Variants in ZBTB20 observed in about 807,000 individuals in gnomAD.
ZBTB20 encodes the protein zinc finger and BTB domain-containing protein 20.
In ZBTB20, 9 loss-of-function variants were observed where a neutral mutation model predicts 56.9. The observed-to-expected ratio is 0.16, with a 90% CI of 0.10 to 0.28. The LOEUF is 0.28. Among genes scored for constraint, ZBTB20 ranks in the 10% least tolerant of loss-of-function variants. The pLI, the probability that ZBTB20 is intolerant of heterozygous loss-of-function variation, is 1.00. For missense variants in ZBTB20, 655 were observed against 1,003.0 expected (o/e 0.65, Z 4.69); for synonymous variants, 417 against 420.7 (o/e 0.99, Z 0.11).
intron 5 of ZBTB20, among the ~76,000 whole-genome samples, chr3:114,721,982 A>T (rs1450001627): frequency 6.6e-6 from 1 of 152,184 alleles, no homozygotes; most frequent in Non-Finnish European, 1.5e-5. Flanking sequence ...CCAAACCGGA[A>T]AGCTCTTTGA....
chr3:114,953,673 C>A (rs998499723), intron 3 of ZBTB20, among the ~76,000 whole-genome samples: 3 of 151,976 alleles, frequency 2.0e-5, no homozygotes, highest in Non-Finnish European at 4.4e-5. Flanking sequence ...AAGTCTAAAT[C>A]TGTATGCCCT....
chr3:114,576,011 AAT>A (rs1456189083), intron 6 of ZBTB20, among the ~76,000 whole-genome samples: 1 of 152,222 alleles, frequency 6.6e-6, no homozygotes, highest in East Asian at 1.9e-4. Context: ...CATCAGCAGC[AAT>A]GAGAGCTCAG....
intron 6 of ZBTB20, among the ~76,000 whole-genome samples, chr3:114,626,271 T>A (rs941979749): frequency 6.6e-6 from 1 of 152,206 alleles, no homozygotes; most frequent in African/African-American, 2.4e-5. Flanking sequence ...ATTTACTAAC[T>A]GTTTAATCTT....
chr3:114,428,427 G>C (rs556456880), intron 7 of ZBTB20, among the ~76,000 whole-genome samples: 38 of 152,336 alleles, frequency 2.5e-4, no homozygotes, highest in African/African-American at 6.7e-4. Context: ...GGAGGGACAG[G>C]CCTCATTTGC....
intron 6 of ZBTB20, among the ~76,000 whole-genome samples, chr3:114,622,126 C>T (rs1208295298): frequency 1.3e-5 from 2 of 152,058 alleles, no homozygotes; most frequent in Non-Finnish European, 2.9e-5. Context: ...ATCTAGCTTG[C>T]CTTCAACGCA....
At chr3:114,798,044 C>G (rs1560262765) in intron 5 of ZBTB20, among the ~76,000 whole-genome samples, 2 of 151,136 alleles carry the variant, frequency 1.3e-5, no homozygotes, top group African/African-American at 2.4e-5. Context: ...AAGCTTATTT[C>G]TTTTTTTTTC....
intron 10 of ZBTB20, among the ~76,000 whole-genome samples, chr3:114,356,898 C>T (rs887420892): frequency 1.2e-4 from 18 of 152,178 alleles, no homozygotes; most frequent in African/African-American, 4.3e-4. Flanking sequence ...CTCTTTCTAT[C>T]TCATTAGTAT....
rs147784639 is a variant in ZBTB20, at chr3:114,472,602, G to A, written c.-255+27750C>T. Among the ~76,000 whole-genome samples the A allele has an allele frequency of 1.4e-4, 21 of 152,198 alleles. No individual in the cohort carries two copies. The East Asian group carries it at 2.1e-3, about 15-fold the overall frequency. ...GCAGGCCTGTAATCCTAGCTGCTTC[G>A]GAGGCTGAGGCAGGAGAATTGCTTG... On this transcript the variant is annotated intron_variant, in intron 7 of 11. Coordinates refer to ENST00000675478, the MANE Select transcript of ZBTB20 (RefSeq NM_001348800.3).
At chr3:114,724,208 G>A (rs2108506981) in intron 5 of ZBTB20, among the ~76,000 whole-genome samples, 1 of 152,068 alleles carries the variant, frequency 6.6e-6, no homozygotes, top group East Asian at 1.9e-4. Context: ...GGGAAGTAGA[G>A]GAAAAGGAAG....
At chr3:114,404,151 T>C (rs906663657) in intron 7 of ZBTB20, among the ~76,000 whole-genome samples, 3 of 152,198 alleles carry the variant, frequency 2.0e-5, no homozygotes, top group Non-Finnish European at 4.4e-5. Context: ...CTTGTACACA[T>C]GGACAAATCA....
chr3:114,877,475 A>G (rs2076242857), intron 4 of ZBTB20, among the ~76,000 whole-genome samples: 1 of 152,216 alleles, frequency 6.6e-6, no homozygotes, highest in South Asian at 2.1e-4. Context: ...ATAAGCAGTC[A>G]GTGTTCTTGG....
At chr3:115,029,997 TGACA>T (rs1178313398) in intron 2 of ZBTB20, among the ~76,000 whole-genome samples, 1 of 150,986 alleles carries the variant, frequency 6.6e-6, no homozygotes, top group East Asian at 1.9e-4. Context: ...TTGCAACATA[TGACA>T]GAGTATCATA....
intron 5 of ZBTB20, among the ~76,000 whole-genome samples, chr3:114,754,908 T>C (rs774592800): frequency 6.6e-6 from 1 of 152,190 alleles, no homozygotes; most frequent in Non-Finnish European, 1.5e-5. Flanking sequence ...CATTGATTGT[T>C]GTAGAGAAAT....
At chr3:114,409,232 A>G (rs192454615) in intron 7 of ZBTB20, among the ~76,000 whole-genome samples, 228 of 149,276 alleles carry the variant, frequency 1.5e-3, no homozygotes, top group Non-Finnish European at 2.2e-3. Flanking sequence ...TTTTACCCCA[A>G]GTGGATAAGC....
chr3:115,004,521 CTCTTT>C (rs1428981680), intron 2 of ZBTB20, among the ~76,000 whole-genome samples: 1 of 151,646 alleles, frequency 6.6e-6, no homozygotes, highest in Non-Finnish European at 1.5e-5. Context: ...GGGTTTGTGC[CTCTTT>C]TCTTTGTTCA....
At chr3:114,576,924 C>T (rs1202453687) in intron 6 of ZBTB20, among the ~76,000 whole-genome samples, 1 of 151,988 alleles carries the variant, frequency 6.6e-6, no homozygotes, top group Non-Finnish European at 1.5e-5. Flanking sequence ...ATTTAATTAA[C>T]ATTAAAAATA....
intron 5 of ZBTB20, among the ~76,000 whole-genome samples, chr3:114,705,554 C>T (rs2063667593): frequency 6.6e-6 from 1 of 152,270 alleles, no homozygotes; most frequent in Admixed American, 6.5e-5. Flanking sequence ...GACCCACACC[C>T]ACTTCTTCTT....
intron 6 of ZBTB20, among the ~76,000 whole-genome samples, chr3:114,578,135 A>T (rs1559986092): frequency 6.6e-6 from 1 of 152,172 alleles, no homozygotes; most frequent in Non-Finnish European, 1.5e-5. Flanking sequence ...GAATAAGAGT[A>T]AAACTTAATC....
intron 1 of ZBTB20, among the ~76,000 whole-genome samples, chr3:115,074,886 A>ATTTTTTCT (rs2082539670): frequency 6.6e-6 from 1 of 151,910 alleles, no homozygotes; most frequent in Non-Finnish European, 1.5e-5. Flanking sequence ...CTACCTTTTT[A>ATTTTTTCT]TTTTTTCTTT....
Sources: gnomAD v4.1 joint callset for allele counts (sites outside exome capture counted in the v4.1 genomes callset) on GRCh38, gnomAD v4.1.1 for gene constraint, MANE v1.5 for transcripts, NCBI Gene and HGNC (gene_info 2026-07-23, HGNC 2026-07-21) for gene names.